Variants in FEZ1 observed in about 807,000 individuals in gnomAD.
The protein encoded by FEZ1 is fasciculation and elongation protein zeta-1.
FEZ1 carries 20 observed loss-of-function variants against 49.3 expected under a neutral mutation model. The ratio of observed to expected loss-of-function variants is 0.41; its 90% CI spans 0.29 to 0.59. The LOEUF is 0.59. FEZ1 is among the 20% of genes least tolerant of loss of function. FEZ1 has a pLI of 0.36. For synonymous variants in FEZ1, 170 were observed against 180.9 expected, an observed-to-expected ratio of 0.94 and a Z score of 0.48; for missense variants, 413 against 476.0, an observed-to-expected ratio of 0.87 and a Z score of 1.23.
chr11:125,480,971 G>A (rs559359577), intron 3 of FEZ1, among the ~76,000 whole-genome samples: 114 of 151,616 alleles, frequency 7.5e-4, no homozygotes, highest in African/African-American at 2.5e-3. Context: ...CCCGGGAGGC[G>A]AAGGTTGCAG....
In FEZ1 at chr11:125,495,620, GT is replaced by G; in HGVS notation, c.-46+500del. On this transcript the variant is annotated intron_variant, in intron 1 of 9. Coordinates refer to ENST00000278919, the MANE Select transcript of FEZ1 (RefSeq NM_005103.5). This position sits in a 1 kb window ranked among gnomAD's most constrained non-coding sequence, Gnocchi z 4.2. ...GGGGCACGAGCGGGGTCGGGGGTAA[GT>G]TTTTAGGGACAAAGATGATCTTGGG... 1 of 463,068 alleles carries G rather than the reference GT, an allele frequency of 2.2e-6. No individual in the cohort carries two copies. 28.7% of individuals were successfully genotyped at this position (463,068 alleles called of 1,614,324 possible). A position where few individuals can be genotyped will look rare whatever the true frequency, so the allele number is the denominator to read the frequency against.
chr11:125,453,919 A>G, intron 7 of FEZ1: 5 of 440,596 alleles, frequency 1.1e-5, no homozygotes, highest in Non-Finnish European at 2.0e-5. Flanking sequence ...GTCCTAGAAC[A>G]CTAGAGCTCA....
chr11:125,443,521 C>T lies in FEZ1; in HGVS notation c.*2574G>A, dbSNP rs1332487454. Among the ~76,000 whole-genome samples the T allele has an allele frequency of 2.0e-5, 3 of 152,198 alleles. No homozygotes were observed. Among genetic ancestry groups the T allele is most frequent in the African/African-American group, 7.2e-5 (3 of 41,444 alleles). ...TTGAACTCAAGGCACAAAACCCAGG[C>T]TCCTTTTAAGAGAAGAGCTGCCTCC... On this transcript the variant is annotated 3_prime_UTR_variant, in exon 10 of 10. Coordinates refer to ENST00000278919, the MANE Select transcript of FEZ1 (RefSeq NM_005103.5).
intron 3 of FEZ1, among the ~76,000 whole-genome samples, chr11:125,468,704 A>C (rs529876776): frequency 6.6e-6 from 1 of 152,298 alleles, no homozygotes; most frequent in African/African-American, 2.4e-5. Context: ...CCGGCCCAGC[A>C]GGCTCAGCAG....
At chr11:125,470,355 C>T (rs1039942746) in intron 3 of FEZ1, among the ~76,000 whole-genome samples, 2 of 152,158 alleles carry the variant, frequency 1.3e-5, no homozygotes, top group African/African-American at 4.8e-5. Flanking sequence ...ACTTTTCCAT[C>T]GAGCTGAAGG....
chr11:125,446,233 T>C (rs1314531730), intron 9 of FEZ1, 122 bp from the exon 10 acceptor site: 4 of 855,886 alleles, frequency 4.7e-6, no homozygotes, highest in South Asian at 2.7e-5. Flanking sequence ...CAGCCCCCAC[T>C]TAGTGCCTAG....
At chr11:125,485,855 A>AG (rs1957322132) in intron 2 of FEZ1, among the ~76,000 whole-genome samples, 1 of 151,978 alleles carries the variant, frequency 6.6e-6, no homozygotes, top group South Asian at 2.1e-4. Context: ...CTGAGGCAGG[A>AG]GAATTGCTTG....
intron 3 of FEZ1, among the ~76,000 whole-genome samples, chr11:125,475,275 TAC>T (rs67243081): frequency 0.038 from 5,318 of 141,522 alleles, 170 homozygotes; most frequent in African/African-American, 0.098. Context: ...GTCTCAAAAA[TAC>T]ACACACACAC....
At chr11:125,456,532 C>G (rs1394722518) in intron 5 of FEZ1, among the ~76,000 whole-genome samples, 1 of 152,168 alleles carries the variant, frequency 6.6e-6, no homozygotes, top group African/African-American at 2.4e-5. Flanking sequence ...TTCCCAAGAA[C>G]TGATCAAGAT....
chr11:125,489,434 C>G lies in FEZ1; in HGVS notation c.311+33G>C. Reference sequence around the variant, plus strand: ...GAGACAAGGACTACAGGGCTCTCGACTGAAGCAGGAGAGGGCAATTAAGAC... The same window carrying G: ...GAGACAAGGACTACAGGGCTCTCGAGTGAAGCAGGAGAGGGCAATTAAGAC... On this transcript the variant is annotated intron_variant, in intron 2 of 9. Transcript: ENST00000278919. The surrounding 1 kb of genome is among the most constrained non-coding windows in gnomAD (Gnocchi z 4.2). 11 of 1,579,310 alleles carry G rather than the reference C, an allele frequency of 7.0e-6. No homozygotes were observed. Among genetic ancestry groups the G allele is most frequent in the Admixed American group, 1.8e-5 (1 of 55,038 alleles).
chr11:125,462,452 C>T (rs1957084911), intron 4 of FEZ1, among the ~76,000 whole-genome samples: 1 of 152,212 alleles, frequency 6.6e-6, no homozygotes. Flanking sequence ...AAATATCCAT[C>T]ACACAAAAGC....
rs1039333082 is a variant in FEZ1 at position 125,489,181 on chromosome 11, C to A, written c.311+286G>T. On this transcript the variant is annotated intron_variant, in intron 2 of 9. Coordinates refer to ENST00000278919, the MANE Select transcript of FEZ1 (RefSeq NM_005103.5). The surrounding 1 kb of genome is among the most constrained non-coding windows in gnomAD (Gnocchi z 4.2). ...TGGATTTCCACTGATATAAAGAAAG[C>A]TTAAGATAGACAGACCCTGAAATTT... is the stretch of plus-strand genomic sequence containing the variant. 1.8e-6 allele frequency: 2 copies of A among 1,084,768 alleles called. No homozygotes were observed. The highest frequency in any genetic ancestry group is 5.2e-5 in the Admixed American group (1 of 19,358). The allele number at this position is 1,084,768 out of a possible 1,614,324, so 67.2% of individuals were successfully genotyped here. A position where few individuals can be genotyped will look rare whatever the true frequency, so the allele number is the denominator to read the frequency against.
At chr11:125,476,207 T>C (rs1484420008) in intron 3 of FEZ1, among the ~76,000 whole-genome samples, 1 of 152,214 alleles carries the variant, frequency 6.6e-6, no homozygotes, top group African/African-American at 2.4e-5. Context: ...GTTTCGCAGA[T>C]ATATGCAGAT....
chr11:125,457,492 GTATATATGTA>G (rs150934684), intron 5 of FEZ1, among the ~76,000 whole-genome samples: 39 of 28,452 alleles, frequency 1.4e-3, no homozygotes, highest in African/African-American at 3.4e-3. Context: ...ACATATATGT[GTATATATGTA>G]TATATATACA....
chr11:125,468,933 C>T (rs76914290), intron 3 of FEZ1: 1 of 152,352 alleles, frequency 6.6e-6, no homozygotes, highest in Non-Finnish European at 1.5e-5. Flanking sequence ...GTAGACTTCA[C>T]TCTGAGCAGG....
rs555223569 is a variant in FEZ1, at chr11:125,493,362, AAAAGAAAGAAAGAAAGAAAG to A, written c.-46+2739_-46+2758del. On this transcript the variant is annotated intron_variant, in intron 1 of 9. Transcript: ENST00000278919. ...GAAAGAAAGAAAGAAAGAAAGAGAG[AAAAGAAAGAAAGAAAGAAAG>A]AAAGAAAGAAAGAAAGAAAGAAAGA... Among the ~76,000 whole-genome samples, 326 of 49,542 alleles carry A rather than the reference AAAAGAAAGAAAGAAAGAAAG, an allele frequency of 6.6e-3. 8 individuals carry two copies. The highest frequency in any genetic ancestry group is 0.017 in the East Asian group (26 of 1,546). The allele number at this position is 49,542 out of a possible 152,430, so 32.5% of individuals were successfully genotyped here.
chr11:125,483,004 A>T (rs1048806375), intron 2 of FEZ1, among the ~76,000 whole-genome samples: 1 of 122,742 alleles, frequency 8.1e-6, no homozygotes, highest in Non-Finnish European at 1.7e-5. Context: ...AAAAAAAAAA[A>T]CTAAAATATT....
rs773962449 is a variant in FEZ1, at chr11:125,493,463, AAG to A, written c.-46+2656_-46+2657del. On this transcript the variant is annotated intron_variant, in intron 1 of 9. Coordinates refer to ENST00000278919, the MANE Select transcript of FEZ1 (RefSeq NM_005103.5). Reference sequence around the variant, plus strand: ...GAAGGAAAGAAGGAAAGAAGGAAAGAAGGAAAGAAGGAAAGAAGGAAAGAAGG... The same window carrying A: ...GAAGGAAAGAAGGAAAGAAGGAAAGAGAAAGAAGGAAAGAAGGAAAGAAGG... 8.0e-3 allele frequency among the ~76,000 whole-genome samples: 594 copies of A among 74,112 alleles called. 20 individuals are homozygous for A. The highest frequency in any genetic ancestry group is 0.01 in the African/African-American group (129 of 12,616). The allele number at this position is 74,112 out of a possible 152,430, so 48.6% of individuals were successfully genotyped here.
intron 3 of FEZ1, among the ~76,000 whole-genome samples, chr11:125,469,353 G>C (rs569123832): frequency 6.6e-6 from 1 of 152,120 alleles, no homozygotes; most frequent in Non-Finnish European, 1.5e-5. Context: ...CTGCCTCCCC[G>C]GCTCAAGCAA....
Sources: gnomAD v4.1 joint callset for allele counts (sites outside exome capture counted in the v4.1 genomes callset) on GRCh38, gnomAD v4.1.1 for gene constraint, Gnocchi (gnomAD v3.1) non-coding constraint, MANE v1.5 for transcripts, NCBI Gene and HGNC (gene_info 2026-07-23, HGNC 2026-07-21) for gene names.